ARHGEF10: variants seen among roughly 807,000 people sequenced by gnomAD.
ARHGEF10 encodes Rho guanine nucleotide exchange factor (GEF) 10.
In ARHGEF10, 140 loss-of-function variants were observed where a neutral mutation model predicts 147.4. The observed-to-expected ratio is 0.95, with a 90% CI of 0.83 to 1.09. ARHGEF10 has a LOEUF of 1.09. Among genes scored for constraint, ARHGEF10 ranks in the 50% least tolerant of loss-of-function variants. ARHGEF10 has a pLI of 0.00. For missense variants in ARHGEF10, 2,222 were observed against 1,752.7 expected (o/e 1.27, Z -4.78); for synonymous variants, 902 against 695.8 (o/e 1.30, Z -4.67).
At chr8:1,838,762 A>T (rs76244958) in intron 1 of ARHGEF10, among the ~76,000 whole-genome samples, 1 of 148,050 alleles carries the variant, frequency 6.8e-6, no homozygotes, top group African/African-American at 2.5e-5. Context: ...GCCATCTGGC[A>T]TGGGGGCTGT....
intron 1 of ARHGEF10, among the ~76,000 whole-genome samples, chr8:1,829,515 C>T (rs1020236729): frequency 6.6e-6 from 1 of 152,228 alleles, no homozygotes; most frequent in African/African-American, 2.4e-5. Context: ...CTTGACTCAG[C>T]AGGCCCGTGG....
chr8:1,865,681 A>C (rs1163197158), intron 5 of ARHGEF10, among the ~76,000 whole-genome samples: 1 of 152,022 alleles, frequency 6.6e-6, no homozygotes, highest in Non-Finnish European at 1.5e-5. Context: ...TTTGCTTGAG[A>C]AGTCGTCATC....
At chr8:1,845,901 C>T (rs919452346) in intron 2 of ARHGEF10, among the ~76,000 whole-genome samples, 2 of 152,190 alleles carry the variant, frequency 1.3e-5, no homozygotes, top group Non-Finnish European at 2.9e-5. Context: ...CAGCAGGACA[C>T]TCCTCTGCTG....
chr8:1,909,370 C>G lies in ARHGEF10; in HGVS notation c.2043C>G (p.Asp681Glu). 6.2e-7 allele frequency: 1 copy of G among 1,614,216 alleles called. No individual in the cohort carries two copies. The highest frequency in any genetic ancestry group is 8.5e-7 in the Non-Finnish European group (1 of 1,180,048). ...LKWSVPLGHV[D>E]AIEYGSSAGT... is the part of the protein sequence containing the mutation. The stretch of plus-strand genomic sequence containing the variant: ...GGAGCGTTCCACTGGGACATGTGGA[C>G]GCCATCGAGTATGGCAGCAGCGCAG... The change falls in exon 18 of 29, where the codon GAC becomes GAG. Residue 681 changes from aspartate to glutamate, a missense_variant. Physicochemically the swap from Asp to Glu is conservative, Grantham distance 45. Transcript: ENST00000349830.
chr8:1,850,189 G>A (rs1490090411), intron 2 of ARHGEF10, among the ~76,000 whole-genome samples: 1,401 of 79,824 alleles, frequency 0.018, 1 homozygote, highest in South Asian at 0.028. Flanking sequence ...TGAGGAGGGC[G>A]TGGGGCGGCC....
intron 11 of ARHGEF10, among the ~76,000 whole-genome samples, chr8:1,893,092 CAAAAA>C (rs34033686): frequency 3.9e-5 from 3 of 76,846 alleles, no homozygotes; most frequent in South Asian, 5.0e-4. Flanking sequence ...AAGATCTTTG[CAAAAA>C]AAAAAAAAAA....
intron 4 of ARHGEF10, among the ~76,000 whole-genome samples, chr8:1,861,365 C>T (rs1350394571): frequency 6.6e-6 from 1 of 152,238 alleles, no homozygotes; most frequent in African/African-American, 2.4e-5. Context: ...GCCGGCCCTG[C>T]TGTAGGGCCA....
intron 4 of ARHGEF10, among the ~76,000 whole-genome samples, chr8:1,864,120 A>G (rs1204236438): frequency 6.6e-6 from 1 of 152,034 alleles, no homozygotes; most frequent in Admixed American, 6.5e-5. Context: ...CTCTAGCCTG[A>G]TGCATTTGGG....
intron 1 of ARHGEF10, among the ~76,000 whole-genome samples, chr8:1,834,675 G>A (rs1303718678): frequency 6.6e-6 from 1 of 152,230 alleles, no homozygotes; most frequent in African/African-American, 2.4e-5. Flanking sequence ...TGGCGTGTTT[G>A]GCTTGCTGCG....
intron 2 of ARHGEF10, among the ~76,000 whole-genome samples, chr8:1,854,238 C>T (rs572638835): frequency 3.0e-4 from 45 of 152,262 alleles, no homozygotes; most frequent in African/African-American, 9.9e-4. Flanking sequence ...CCTCAGAGGG[C>T]GGCGCAGCCT....
chr8:1,921,952 A>G (rs1184935984), intron 18 of ARHGEF10, among the ~76,000 whole-genome samples: 1 of 152,032 alleles, frequency 6.6e-6, no homozygotes, highest in Admixed American at 6.6e-5. Context: ...TTTTGACCTT[A>G]GACAATTTAT....
chr8:1,849,138 C>T (rs183327872), intron 2 of ARHGEF10, among the ~76,000 whole-genome samples: 41 of 152,308 alleles, frequency 2.7e-4, no homozygotes, highest in African/African-American at 8.7e-4. Context: ...TTATTTGTAC[C>T]CTTTTGCTCA....
At chr8:1,890,307 ATGGGGTGAGGGTTGTGAGCAGATACTGAG>A (rs1563241396) in intron 11 of ARHGEF10, among the ~76,000 whole-genome samples, 4 of 141,574 alleles carry the variant, frequency 2.8e-5, no homozygotes, top group African/African-American at 8.3e-5. Context: ...GGAGACACTG[ATGGGGTGAGGGTTGTGAGCAGATACTGAG>A]TGGGGTGAGA....
intron 12 of ARHGEF10, among the ~76,000 whole-genome samples, 188 bp downstream of exon 12, chr8:1,893,834 A>C: frequency 6.6e-6 from 1 of 152,224 alleles, no homozygotes; most frequent in Non-Finnish European, 1.5e-5. Context: ...TGTTGAAATA[A>C]ATATAATTTA....
intron 2 of ARHGEF10, among the ~76,000 whole-genome samples, chr8:1,846,194 G>C (rs371879004): frequency 6.6e-6 from 1 of 152,262 alleles, no homozygotes. Flanking sequence ...GCCCTCTGGC[G>C]GGTTGGGAGC....
chr8:1,846,014 G>C (rs368535651), intron 2 of ARHGEF10, among the ~76,000 whole-genome samples: 1 of 152,250 alleles, frequency 6.6e-6, no homozygotes, highest in Non-Finnish European at 1.5e-5. Context: ...TGGCCAGGCC[G>C]TCCTTGGGCC....
intron 1 of ARHGEF10, among the ~76,000 whole-genome samples, chr8:1,831,054 G>C (rs1201488087): frequency 6.6e-6 from 1 of 152,264 alleles, no homozygotes. Flanking sequence ...GGCAGCGGGG[G>C]AACTGCATGG....
rs746072431 is a variant in ARHGEF10, at chr8:1,898,453, C to A, written c.1578C>A (p.Pro526=). 6.2e-7 allele frequency: 1 copy of A among 1,614,092 alleles called. No individual in the cohort carries two copies. Among genetic ancestry groups the A allele is most frequent in the Non-Finnish European group, 8.5e-7 (1 of 1,180,008 alleles). ...CACAGCAGGAACAGGAGGCCAGCCCCGATCGAACCACGCTCTACAGCCTGA... is the reference window on the plus strand; with the variant it reads ...CACAGCAGGAACAGGAGGCCAGCCCAGATCGAACCACGCTCTACAGCCTGA... The part of the protein sequence containing the change: ...EFLKQEQEAS[P]DRTTLYSLMM... Residue 526 remains proline (P), a synonymous_variant, in exon 15 of 29, where the codon CCC becomes CCA. Coordinates refer to ENST00000349830, the MANE Select transcript of ARHGEF10 (RefSeq NM_014629.4).
At chr8:1,857,040 C>G (rs956430777) in intron 2 of ARHGEF10, among the ~76,000 whole-genome samples, 8 of 152,198 alleles carry the variant, frequency 5.3e-5, no homozygotes, top group Admixed American at 3.9e-4. Flanking sequence ...CAGCCGTAAC[C>G]CCGGTCCAAG....
Sources: allele counts gnomAD v4.1 joint callset (sites outside exome capture counted in the v4.1 genomes callset), GRCh38; gene constraint gnomAD v4.1.1; transcripts MANE v1.5; gene names NCBI Gene and HGNC (gene_info 2026-07-23, HGNC 2026-07-21).